LZTFL1: variants seen among roughly 807,000 people sequenced by gnomAD.
LZTFL1 encodes the protein leucine zipper transcription factor like 1.
Under a neutral mutation model 45.9 loss-of-function variants are expected in LZTFL1, and 25 were observed. That is an observed-to-expected ratio of 0.54 (90% CI 0.40 to 0.76). LZTFL1 has a LOEUF of 0.76. LZTFL1 is among the 30% of genes least tolerant of loss of function. The pLI is 0.00. For missense variants in LZTFL1, 277 were observed against 331.1 expected, an observed-to-expected ratio of 0.84 and a Z score of 1.27; for synonymous variants, 93 against 117.4, an observed-to-expected ratio of 0.79 and a Z score of 1.35.
rs761395952 is a variant in LZTFL1, at chr3:45,900,966, A to C, written c.-215+12154T>G. The C allele has an allele frequency of 1.9e-5, 31 of 1,614,066 alleles. No homozygotes were observed. In the Admixed American group the frequency reaches 5.2e-4, roughly 27 times the overall value. On this transcript the variant is annotated intron_variant, in intron 2 of 4. Transcript: ENST00000472635. This position sits in a 1 kb window ranked among gnomAD's most constrained non-coding sequence, Gnocchi z 4.7. ...CCCACCCTTGTACTGGCTCGTGTTC[A>C]TCGTGGGTGCCTTGGGCAACAGTCT...
chr3:45,868,704 T>C (rs973818968), intron 2 of LZTFL1, among the ~76,000 whole-genome samples: 1 of 152,218 alleles, frequency 6.6e-6, no homozygotes. Flanking sequence ...GTATATCATC[T>C]ACATGATAGA....
intron 2 of LZTFL1, among the ~76,000 whole-genome samples, chr3:45,879,890 C>T (rs560506883): frequency 1.3e-5 from 2 of 152,170 alleles, no homozygotes; most frequent in South Asian, 2.1e-4. Context: ...TTTAAAAAAA[C>T]CCATAAGCAC....
At chr3:45,910,571 G>A (rs548167861) in intron 2 of LZTFL1, among the ~76,000 whole-genome samples, 10 of 152,300 alleles carry the variant, frequency 6.6e-5, no homozygotes, top group Admixed American at 5.9e-4. Context: ...ACTGTGATTG[G>A]CTGAGGAGCA....
chr3:45,880,438 G>GA (rs1701835199), intron 2 of LZTFL1, among the ~76,000 whole-genome samples: 1 of 152,052 alleles, frequency 6.6e-6, no homozygotes, highest in Non-Finnish European at 1.5e-5. Flanking sequence ...GGAGGTGGAG[G>GA]TTGCAGTGAG....
At chr3:45,909,392 A>G (rs1702746060) in intron 2 of LZTFL1, among the ~76,000 whole-genome samples, 1 of 152,204 alleles carries the variant, frequency 6.6e-6, no homozygotes, top group Non-Finnish European at 1.5e-5. Context: ...CCCAACTTCA[A>G]TAATGATTAA....
At chr3:45,869,387 C>A (rs1413599414) in intron 2 of LZTFL1, among the ~76,000 whole-genome samples, 1 of 152,188 alleles carries the variant, frequency 6.6e-6, no homozygotes, top group Non-Finnish European at 1.5e-5. Flanking sequence ...AGACGCCATG[C>A]CTTCCAGTCA....
intron 3 of LZTFL1, among the ~76,000 whole-genome samples, chr3:45,857,697 A>G (rs1701416244): frequency 1.3e-5 from 2 of 152,240 alleles, no homozygotes; most frequent in South Asian, 4.1e-4. Context: ...CAAATAGGCC[A>G]AAAGACAATT....
chr3:45,846,449 A>G (rs1701218544), upstream of LZTFL1, among the ~76,000 whole-genome samples: 1 of 152,176 alleles, frequency 6.6e-6, no homozygotes, highest in Non-Finnish European at 1.5e-5. Flanking sequence ...CACAAGGGAT[A>G]ATGGTGCTGA....
At chr3:45,867,288 G>C (rs1000514644) in intron 2 of LZTFL1, among the ~76,000 whole-genome samples, 1 of 151,368 alleles carries the variant, frequency 6.6e-6, no homozygotes, top group African/African-American at 2.4e-5. Context: ...TCAAGGTGTT[G>C]TTAAAATTTT....
chr3:45,901,346 C>T lies in LZTFL1; in HGVS notation c.-215+11774G>A, dbSNP rs1021507742. On this transcript the variant is annotated intron_variant, in intron 2 of 4. Coordinates refer to the LZTFL1 transcript ENST00000472635. This position sits in a 1 kb window ranked among gnomAD's most constrained non-coding sequence, Gnocchi z 4.3. ...CTCTCTGCATCCCAGAAATCTTATA[C>T]AGCCAAATCAAGGAGGAATCCGGCA... 3 of 1,614,022 alleles carry T rather than the reference C, an allele frequency of 1.9e-6. No individual in the cohort carries two copies. Among genetic ancestry groups the T allele is most frequent in the African/African-American group, 2.7e-5 (2 of 74,906 alleles).
chr3:45,849,786 T>A (rs571478246), intron 4 of LZTFL1, among the ~76,000 whole-genome samples: 16 of 152,228 alleles, frequency 1.1e-4, no homozygotes, highest in Non-Finnish European at 2.2e-4. Context: ...GAATTGAAGA[T>A]AAATGGTTCC....
intron 2 of LZTFL1, among the ~76,000 whole-genome samples, chr3:45,863,198 G>A (rs1701520739): frequency 6.6e-6 from 1 of 152,166 alleles, no homozygotes; most frequent in Non-Finnish European, 1.5e-5. Flanking sequence ...ATGTCCTTCA[G>A]GTAGGAACTA....
At chr3:45,887,309 G>A (rs1702014105) in intron 2 of LZTFL1, among the ~76,000 whole-genome samples, 1 of 151,868 alleles carries the variant, frequency 6.6e-6, no homozygotes, top group African/African-American at 2.4e-5. Context: ...CAGAAAGGAA[G>A]TATCTCAGAA....
chr3:45,913,174 G>A (rs1448965806), exon 2 of LZTFL1: 5 of 1,534,054 alleles, frequency 3.3e-6, no homozygotes, highest in African/African-American at 1.4e-5. Context: ...CTTACAGCAA[G>A]AGCCTAGAAA....
chr3:45,881,801 G>A (rs1452248096), intron 2 of LZTFL1, among the ~76,000 whole-genome samples: 1 of 152,100 alleles, frequency 6.6e-6, no homozygotes, highest in African/African-American at 2.4e-5. Flanking sequence ...AGAAGGGAGT[G>A]AGTCTGCCAC....
At chr3:45,877,095 G>A (rs1701760003) in intron 2 of LZTFL1, among the ~76,000 whole-genome samples, 1 of 152,114 alleles carries the variant, frequency 6.6e-6, no homozygotes, top group Admixed American at 6.5e-5. Flanking sequence ...CCCAACTCCT[G>A]CAGCCCAAGA....
chr3:45,899,815 G>A (rs1181070256), intron 2 of LZTFL1, among the ~76,000 whole-genome samples: 3 of 152,176 alleles, frequency 2.0e-5, no homozygotes, highest in African/African-American at 7.2e-5. Flanking sequence ...TTTGACTCAA[G>A]GGCTTACATC....
chr3:45,880,638 G>A (rs1031148926), intron 2 of LZTFL1, among the ~76,000 whole-genome samples: 4 of 152,108 alleles, frequency 2.6e-5, no homozygotes, highest in African/African-American at 9.7e-5. Flanking sequence ...TTATCTGGCC[G>A]CCCCTCACTG....
chr3:45,859,205 C>T (rs1033740771), intron 2 of LZTFL1, among the ~76,000 whole-genome samples: 1 of 152,148 alleles, frequency 6.6e-6, no homozygotes, highest in Non-Finnish European at 1.5e-5. Flanking sequence ...TAATAATGAA[C>T]TTAAAAGTCT....
Sources: allele counts gnomAD v4.1 joint callset (sites outside exome capture counted in the v4.1 genomes callset), GRCh38; gene constraint gnomAD v4.1.1; non-coding constraint Gnocchi (gnomAD v3.1); transcripts MANE v1.5; gene names NCBI Gene and HGNC (gene_info 2026-07-23, HGNC 2026-07-21).